The following LRP1B variants were observed in gnomAD, a reference collection of about 807,000 sequenced individuals.
LRP1B encodes LDL receptor related protein 1B, also known as low-density lipoprotein receptor-related protein 1B.
Under a neutral mutation model 556.6 loss-of-function variants are expected in LRP1B, and 217 were observed. The observed-to-expected ratio is 0.39, with a 90% CI of 0.35 to 0.44. The LOEUF (loss-of-function observed/expected upper bound fraction) is 0.44. LRP1B is among the 20% of genes least tolerant of loss of function. LRP1B has a pLI of 1.00. For synonymous variants in LRP1B, 2,047 were observed against 1,865.8 expected, an observed-to-expected ratio of 1.10 and a Z score of -2.50; for missense variants, 5,053 against 5,620.8, an observed-to-expected ratio of 0.90 and a Z score of 3.23.
At chr2:140,245,203 C>G (rs925424363) in intron 87 of LRP1B, among the ~76,000 whole-genome samples, 4 of 151,310 alleles carry the variant, frequency 2.6e-5, no homozygotes, top group African/African-American at 9.7e-5. Flanking sequence ...AGGGTTACAA[C>G]TATTTGCAAC....
intron 3 of LRP1B, among the ~76,000 whole-genome samples, chr2:141,452,087 T>C (rs1265775903): frequency 6.6e-6 from 1 of 152,196 alleles, no homozygotes; most frequent in Non-Finnish European, 1.5e-5. Context: ...CTTATTACCA[T>C]AATTTAAGGC....
At chr2:140,890,760 A>G (rs1693773847) in intron 23 of LRP1B, among the ~76,000 whole-genome samples, 1 of 152,020 alleles carries the variant, frequency 6.6e-6, no homozygotes, top group South Asian at 2.1e-4. Flanking sequence ...CCAATGTGTT[A>G]TTTCATAAAC....
chr2:141,861,649 G>T (rs1054620268), intron 1 of LRP1B, among the ~76,000 whole-genome samples: 1 of 152,110 alleles, frequency 6.6e-6, no homozygotes, highest in Non-Finnish European at 1.5e-5. Context: ...AAAATTACAG[G>T]CTGGGCACAG....
chr2:142,122,777 A>G (rs1280732824), intron 1 of LRP1B, among the ~76,000 whole-genome samples: 1 of 152,048 alleles, frequency 6.6e-6, no homozygotes, highest in Non-Finnish European at 1.5e-5. Context: ...GTCATGAAAA[A>G]AATGCCTTAA....
At chr2:141,978,187 C>A (rs1241851137) in intron 1 of LRP1B, among the ~76,000 whole-genome samples, 1 of 152,034 alleles carries the variant, frequency 6.6e-6, no homozygotes, top group African/African-American at 2.4e-5. Flanking sequence ...CTCCTTATCT[C>A]TCTTCTAAAA....
At chr2:141,574,429 C>T (rs981498831) in intron 2 of LRP1B, among the ~76,000 whole-genome samples, 2 of 152,084 alleles carry the variant, frequency 1.3e-5, no homozygotes, top group African/African-American at 2.4e-5. Flanking sequence ...AAACTAGGTA[C>T]TGATGGAACA....
At chr2:141,287,080 C>T (rs984044671) in intron 3 of LRP1B, among the ~76,000 whole-genome samples, 1 of 152,068 alleles carries the variant, frequency 6.6e-6, no homozygotes, top group African/African-American at 2.4e-5. Context: ...ATCTATGTTC[C>T]CTCTATCTTT....
chr2:140,877,791 T>C (rs544535350), intron 25 of LRP1B, among the ~76,000 whole-genome samples: 35 of 152,284 alleles, frequency 2.3e-4, no homozygotes, highest in Non-Finnish European at 3.5e-4. Context: ...TGATGTCTCA[T>C]GTCTCACTAA....
intron 3 of LRP1B, among the ~76,000 whole-genome samples, chr2:141,350,321 G>A (rs1490001895): frequency 6.6e-6 from 1 of 151,988 alleles, no homozygotes; most frequent in African/African-American, 2.4e-5. Context: ...ATGAAGAAAT[G>A]TGATGTTTAG....
intron 6 of LRP1B, among the ~76,000 whole-genome samples, chr2:141,215,157 GA>G (rs1406070190): frequency 6.6e-6 from 1 of 152,062 alleles, no homozygotes; most frequent in Non-Finnish European, 1.5e-5. Flanking sequence ...CTGGTTATTT[GA>G]AAGTGTGTAG....
chr2:141,279,018 C>T (rs1685409536), intron 3 of LRP1B, among the ~76,000 whole-genome samples: 2 of 152,030 alleles, frequency 1.3e-5, no homozygotes, highest in South Asian at 4.2e-4. Context: ...TTTAAATTAG[C>T]CAACAGATAA....
At chr2:142,042,449 G>A (rs778619976) in intron 1 of LRP1B, among the ~76,000 whole-genome samples, 21 of 151,354 alleles carry the variant, frequency 1.4e-4, no homozygotes, top group Non-Finnish European at 2.2e-4. Flanking sequence ...AGCAAATTCA[G>A]AAGTTTTATC....
At chr2:140,683,463 T>G in intron 41 of LRP1B, 1 of 555,152 alleles carries the variant, frequency 1.8e-6, no homozygotes, top group South Asian at 1.6e-5. Flanking sequence ...CATGTCTCCT[T>G]TTGGGGCACA....
rs1696418646 is a variant in LRP1B, at chr2:140,971,377, C to A, written c.2887+10783G>T. Among the ~76,000 whole-genome samples, 9 of 152,042 alleles carry A rather than the reference C, an allele frequency of 5.9e-5. 1 individual carries two copies. The highest frequency in any genetic ancestry group is 5.9e-4 in the Admixed American group (9 of 15,272). On this transcript the variant is annotated intron_variant, in intron 18 of 90. Transcript: ENST00000389484. ...TTTTCCTAGAGCTTTTGGAGGAAGC[C>A]CTGTTGACACCTTGATTTTGGACTT...
At chr2:141,472,388 A>C (rs1682509170) in intron 3 of LRP1B, among the ~76,000 whole-genome samples, 1 of 152,070 alleles carries the variant, frequency 6.6e-6, no homozygotes. Flanking sequence ...AAAAATACAA[A>C]AATTAGCCAA....
intron 6 of LRP1B, among the ~76,000 whole-genome samples, chr2:141,211,189 C>T (rs113437315): frequency 7.3e-5 from 11 of 151,632 alleles, no homozygotes; most frequent in Admixed American, 2.0e-4. Context: ...GGTTTCACCA[C>T]GTTGGCCAGG....
chr2:141,424,104 A>C (rs12691605), intron 3 of LRP1B, among the ~76,000 whole-genome samples: 3 of 143,606 alleles, frequency 2.1e-5, no homozygotes, highest in South Asian at 2.2e-4. Context: ...AACTATTACA[A>C]GCCTTCATCT....
intron 7 of LRP1B, among the ~76,000 whole-genome samples, chr2:141,066,103 C>T (rs572725880): frequency 6.6e-6 from 1 of 152,048 alleles, no homozygotes; most frequent in Admixed American, 6.6e-5. Flanking sequence ...TTAAAAGACA[C>T]CCAAATCCAA....
At chr2:140,522,599 A>T (rs1389538113) in intron 49 of LRP1B, among the ~76,000 whole-genome samples, 1 of 151,876 alleles carries the variant, frequency 6.6e-6, no homozygotes, top group Non-Finnish European at 1.5e-5. Flanking sequence ...AGACCCCCAA[A>T]ACTATACAAG....
Sources: allele counts gnomAD v4.1 joint callset (sites outside exome capture counted in the v4.1 genomes callset), GRCh38; gene constraint gnomAD v4.1.1; transcripts MANE v1.5; gene names NCBI Gene and HGNC (gene_info 2026-07-23, HGNC 2026-07-21).